Variants in FHIT observed in about 807,000 individuals in gnomAD.
FHIT encodes bis(5'-adenosyl)-triphosphatase.
In FHIT, 19 loss-of-function variants were observed where a neutral mutation model predicts 17.9. The observed-to-expected ratio is 1.06, with a 90% confidence interval of 0.74 to 1.56. The LOEUF (loss-of-function observed/expected upper bound fraction) is 1.56, where lower values mean the gene tolerates loss of function less well. Among genes scored for constraint, FHIT ranks in the 40% most tolerant of loss-of-function variants. The probability of loss-of-function intolerance (pLI) is 0.00; values close to 1 mark genes in which losing one functional copy is unlikely to be tolerated. For missense variants in FHIT, 248 were observed against 189.2 expected (o/e 1.31, Z -1.82); for synonymous variants, 81 against 69.7 (o/e 1.16, Z -0.81).
At chr3:60,735,943 CTTGTTTCCTCTCAGTGCCA>C (rs1198510366) in intron 4 of FHIT, among the ~76,000 whole-genome samples, 2 of 152,210 alleles carry the variant, frequency 1.3e-5, no homozygotes, top group African/African-American at 2.4e-5. Flanking sequence ...CCTAATAAAT[CTTGTTTCCTCTCAGTGCCA>C]TTGTTTCCTC....
At chr3:60,123,443 G>A (rs1319840758) in intron 5 of FHIT, among the ~76,000 whole-genome samples, 1 of 152,140 alleles carries the variant, frequency 6.6e-6, no homozygotes, top group Non-Finnish European at 1.5e-5. Context: ...CTTTCTATAA[G>A]AGACTGAGTA....
chr3:61,086,357 C>A (rs986843152), intron 2 of FHIT, among the ~76,000 whole-genome samples: 1 of 152,058 alleles, frequency 6.6e-6, no homozygotes, highest in African/African-American at 2.4e-5. Context: ...GTTATTACAT[C>A]ATTTGATTTT....
chr3:61,243,718 C>T (rs1321099855), intron 1 of FHIT, among the ~76,000 whole-genome samples: 1 of 152,078 alleles, frequency 6.6e-6, no homozygotes, highest in Non-Finnish European at 1.5e-5. Context: ...GCCCCCCACT[C>T]CACCCCCAGC....
At chr3:60,086,081 T>C (rs531044383) in intron 5 of FHIT, among the ~76,000 whole-genome samples, 1 of 152,288 alleles carries the variant, frequency 6.6e-6, no homozygotes, top group South Asian at 2.1e-4. Flanking sequence ...CATCATCTCA[T>C]GGCAGAAGGC....
At position 60,202,471 on chromosome 3, in the gene FHIT, G is replaced by T. The variant is rs1292455557; in HGVS notation, c.104-188319C>A. ...CCAAGCACACATCCTTTGTCACGGT[G>T]TGTGGTCAGGCACTAGTTGGCATTA... is the stretch of plus-strand genomic sequence containing the variant. On this transcript the variant is annotated intron_variant, in intron 5 of 9. Coordinates refer to ENST00000492590, the MANE Select transcript of FHIT (RefSeq NM_002012.4). Among the ~76,000 whole-genome samples the T allele has an allele frequency of 1.3e-5, 2 of 152,210 alleles. 1 individual carries two copies. Among genetic ancestry groups the T allele is most frequent in the Non-Finnish European group, 2.9e-5 (2 of 68,044 alleles).
intron 4 of FHIT, among the ~76,000 whole-genome samples, chr3:60,701,861 A>G (rs2041255952): frequency 6.6e-6 from 1 of 152,208 alleles, no homozygotes; most frequent in Non-Finnish European, 1.5e-5. Flanking sequence ...AAGTTAAACT[A>G]TAAACTGAGT....
chr3:60,121,703 AAAAC>A (rs776773169), intron 5 of FHIT, among the ~76,000 whole-genome samples: 4 of 73,608 alleles, frequency 5.4e-5, no homozygotes, highest in Non-Finnish European at 8.2e-5. Context: ...ACAAACAAAC[AAAAC>A]AAACACACAC....
chr3:59,813,938 A>G lies in FHIT; in HGVS notation c.349-61617T>C, dbSNP rs866012451. On this transcript the variant is annotated intron_variant, in intron 8 of 9. Transcript: ENST00000492590. ...GTGGGATGCTAGGAGATGCCAAATCAGTGGGCTGGTGTGCTCACAAATGAC... is the reference window on the plus strand; with the variant it reads ...GTGGGATGCTAGGAGATGCCAAATCGGTGGGCTGGTGTGCTCACAAATGAC... 7.9e-5 allele frequency among the ~76,000 whole-genome samples: 12 copies of G among 152,268 alleles called. No individual in the cohort carries two copies. In the South Asian group the frequency reaches 2.3e-3, roughly 29 times the overall value.
intron 5 of FHIT, among the ~76,000 whole-genome samples, chr3:60,430,366 G>A (rs553895062): frequency 1.3e-5 from 2 of 152,030 alleles, no homozygotes; most frequent in South Asian, 4.2e-4. Flanking sequence ...AACCACAGAA[G>A]TATAATACAG....
intron 8 of FHIT, among the ~76,000 whole-genome samples, chr3:59,825,860 A>G (rs550081360): frequency 1.3e-5 from 2 of 152,300 alleles, no homozygotes; most frequent in African/African-American, 4.8e-5. Context: ...AGCACAGGAA[A>G]TGTTGATATT....
intron 8 of FHIT, among the ~76,000 whole-genome samples, chr3:59,895,506 T>C (rs1704030436): frequency 6.6e-6 from 1 of 152,224 alleles, no homozygotes; most frequent in South Asian, 2.1e-4. Context: ...TATTTGGGCA[T>C]CTAGCACATC....
chr3:60,965,317 T>A (rs1709669649), intron 3 of FHIT, among the ~76,000 whole-genome samples: 1 of 152,230 alleles, frequency 6.6e-6, no homozygotes, highest in African/African-American at 2.4e-5. Context: ...CTGATTATTC[T>A]AGTTAGCGAT....
chr3:60,983,477 T>C (rs1359264446), intron 3 of FHIT, among the ~76,000 whole-genome samples: 1 of 152,078 alleles, frequency 6.6e-6, no homozygotes, highest in Non-Finnish European at 1.5e-5. Flanking sequence ...AGGTTGCACA[T>C]ACGTGGGAGC....
intron 4 of FHIT, among the ~76,000 whole-genome samples, chr3:60,576,163 T>C (rs1193019836): frequency 6.6e-6 from 1 of 151,866 alleles, no homozygotes; most frequent in Non-Finnish European, 1.5e-5. Context: ...CACAAGGCTG[T>C]ATAAAAAAGG....
rs765768574 is a variant in FHIT at position 60,187,617 on chromosome 3, C to A, written c.104-173465G>T. ...AGCCCTGCCTATTACATTCACCCTG[C>A]TCCTGCACAAAGCCAGAAAAACTGA... On this transcript the variant is annotated intron_variant, in intron 5 of 9. Coordinates refer to ENST00000492590, the MANE Select transcript of FHIT (RefSeq NM_002012.4). Among the ~76,000 whole-genome samples, 3 of 152,288 alleles carry A rather than the reference C, an allele frequency of 2.0e-5. No homozygotes were observed. The East Asian group carries it at 5.8e-4, about 29-fold the overall frequency.
At chr3:61,234,232 G>T (rs1007014942) in intron 1 of FHIT, among the ~76,000 whole-genome samples, 15 of 152,096 alleles carry the variant, frequency 9.9e-5, no homozygotes, top group Non-Finnish European at 1.5e-4. Flanking sequence ...AGAAAAACCA[G>T]GCAGCTACTC....
chr3:60,041,814 A>G (rs1701450858), intron 5 of FHIT, among the ~76,000 whole-genome samples: 1 of 152,228 alleles, frequency 6.6e-6, no homozygotes, highest in South Asian at 2.1e-4. Flanking sequence ...AAAGGTCAAG[A>G]GAAGGGCAGA....
intron 2 of FHIT, among the ~76,000 whole-genome samples, chr3:61,128,965 C>T (rs988533716): frequency 6.6e-6 from 1 of 152,110 alleles, no homozygotes; most frequent in African/African-American, 2.4e-5. Context: ...GCTCCAGTAA[C>T]TGTGACCTAC....
At chr3:60,582,750 G>T (rs560865245) in intron 4 of FHIT, among the ~76,000 whole-genome samples, 2 of 152,182 alleles carry the variant, frequency 1.3e-5, no homozygotes, top group South Asian at 4.1e-4. Flanking sequence ...AGACCCTGGG[G>T]TGTACAAACA....
Sources: allele counts gnomAD v4.1 joint callset (sites outside exome capture counted in the v4.1 genomes callset), GRCh38; gene constraint gnomAD v4.1.1; transcripts MANE v1.5; gene names NCBI Gene and HGNC (gene_info 2026-07-23, HGNC 2026-07-21).